CAP2: variants seen among roughly 807,000 people sequenced by gnomAD.
CAP2 encodes adenylyl cyclase-associated protein 2.
A neutral mutation model predicts 57.7 loss-of-function variants in CAP2; 24 were observed. That is an observed-to-expected ratio of 0.42 (90% confidence interval 0.30 to 0.58). The LOEUF (loss-of-function observed/expected upper bound fraction) is 0.58. Among genes scored for constraint, CAP2 ranks in the 20% least tolerant of loss-of-function variants. CAP2 has a pLI of 0.22. For missense variants in CAP2, 501 were observed against 590.3 expected, an observed-to-expected ratio of 0.85 and a Z score of 1.57; for synonymous variants, 194 against 207.2, an observed-to-expected ratio of 0.94 and a Z score of 0.55.
At chr6:17,531,213 C>T (rs555457942) in intron 7 of CAP2, 42 of 770,902 alleles carry the variant, frequency 5.4e-5, no homozygotes, top group Non-Finnish European at 8.9e-5. Context: ...AATTGGGTAC[C>T]CCCATGCAGT....
intron 2 of CAP2, among the ~76,000 whole-genome samples, chr6:17,425,589 C>T (rs958883135): frequency 2.6e-5 from 4 of 152,090 alleles, no homozygotes; most frequent in Admixed American, 6.5e-5. Flanking sequence ...TTGGATGACT[C>T]GGCTGGGTTC....
At chr6:17,517,520 T>A (rs1175925097) in intron 7 of CAP2, among the ~76,000 whole-genome samples, 3 of 152,258 alleles carry the variant, frequency 2.0e-5, no homozygotes, top group Non-Finnish European at 4.4e-5. Context: ...ATATTTTATT[T>A]TTTATTTCAT....
rs55662495 is a variant in CAP2 at position 17,440,614 on chromosome 6, G to GGT, written c.222+13954_222+13955dup. ...TTTGGGCTGAAAACAAACTGTGTGTGGTGTGTGTGTGTGTGTGTGTGTGTG... is the reference window on the plus strand; with the variant it reads ...TTTGGGCTGAAAACAAACTGTGTGTGGTGTGTGTGTGTGTGTGTGTGTGTGTG... On this transcript the variant is annotated intron_variant, in intron 3 of 12. Coordinates refer to ENST00000229922, the MANE Select transcript of CAP2 (RefSeq NM_006366.3). Among the ~76,000 whole-genome samples, 967 of 141,632 alleles carry GGT rather than the reference G, an allele frequency of 6.8e-3. 12 individuals are homozygous for GGT. Among genetic ancestry groups the GGT allele is most frequent in the Middle Eastern group, 7.1e-3 (2 of 282 alleles). 92.9% of individuals were successfully genotyped at this position (141,632 alleles called of 152,430 possible).
chr6:17,532,739 C>CT (rs1243125296), intron 7 of CAP2, among the ~76,000 whole-genome samples: 1 of 112,778 alleles, frequency 8.9e-6, no homozygotes, highest in African/African-American at 3.9e-5. Context: ...CTGAGCGATA[C>CT]TAAAAAAAAA....
At chr6:17,404,770 CAAA>C (rs554588058) in intron 1 of CAP2, among the ~76,000 whole-genome samples, 2 of 57,186 alleles carry the variant, frequency 3.5e-5, no homozygotes, top group Non-Finnish European at 7.5e-5. Flanking sequence ...GACTCCATCT[CAAA>C]AAAAAAAAAA....
rs781721921 is a variant in CAP2 at position 17,543,121 on chromosome 6, A to G, written c.1187A>G (p.Asn396Ser). 2.5e-6 allele frequency: 4 copies of G among 1,613,834 alleles called. No homozygotes were observed. The South Asian group carries it at 3.3e-5, about 13-fold the overall frequency. Reference protein sequence around the residue: ...DNVVGIVEVINSQDIQIQVMG... With the variant: ...DNVVGIVEVISSQDIQIQVMG... ...GTGGTGGGCATTGTGGAAGTGATCA[A>G]CTCCCAGGACATTCAAATCCAGGTA... Residue 396 changes from asparagine (N) to serine (S), a missense_variant, in exon 11 of 13, where the codon AAC (asparagine) becomes AGC (serine). Physicochemically the swap from Asn to Ser is conservative, Grantham distance 46. Coordinates refer to ENST00000229922, the MANE Select transcript of CAP2 (RefSeq NM_006366.3).
At chr6:17,443,158 G>A (rs1415799331) in intron 3 of CAP2, among the ~76,000 whole-genome samples, 3 of 152,118 alleles carry the variant, frequency 2.0e-5, no homozygotes, top group South Asian at 2.1e-4. Flanking sequence ...AGACTGAAGC[G>A]GGAGGATCAT....
intron 4 of CAP2, among the ~76,000 whole-genome samples, chr6:17,486,078 C>T (rs1052130487): frequency 1.3e-5 from 2 of 152,224 alleles, no homozygotes; most frequent in Non-Finnish European, 2.9e-5. Context: ...GGCATGGTGG[C>T]ATGCACCTGT....
intron 4 of CAP2, among the ~76,000 whole-genome samples, chr6:17,503,638 A>G (rs544996876): frequency 1.3e-5 from 2 of 150,460 alleles, no homozygotes; most frequent in East Asian, 2.0e-4. Flanking sequence ...CACCAGTCAT[A>G]TTGGATTGAA....
At chr6:17,467,960 C>G (rs1360383736) in intron 4 of CAP2, among the ~76,000 whole-genome samples, 1 of 152,066 alleles carries the variant, frequency 6.6e-6, no homozygotes, top group Non-Finnish European at 1.5e-5. Flanking sequence ...CGCCTCAGCT[C>G]CCCCACTACC....
chr6:17,408,843 G>A (rs1282702445), intron 1 of CAP2, among the ~76,000 whole-genome samples: 1 of 150,678 alleles, frequency 6.6e-6, no homozygotes, highest in Non-Finnish European at 1.5e-5. Flanking sequence ...CTAATTTTTT[G>A]TATTTTTAAT....
At chr6:17,554,902 A>T (rs138353415) in intron 12 of CAP2, among the ~76,000 whole-genome samples, 76 of 152,258 alleles carry the variant, frequency 5.0e-4, no homozygotes, top group African/African-American at 1.7e-3. Flanking sequence ...GACTACTTTT[A>T]TTTTGACTAT....
intron 7 of CAP2, among the ~76,000 whole-genome samples, chr6:17,527,976 CA>C (rs1030566087): frequency 2.0e-5 from 3 of 152,162 alleles, no homozygotes; most frequent in Admixed American, 6.5e-5. Flanking sequence ...TTACTTTGAG[CA>C]TGTAGAAAAG....
At chr6:17,516,217 A>G (rs2113670083) in intron 7 of CAP2, among the ~76,000 whole-genome samples, 2 of 152,230 alleles carry the variant, frequency 1.3e-5, no homozygotes, top group South Asian at 4.1e-4. Context: ...TATCCTTAGC[A>G]TGTGGAATGG....
intron 4 of CAP2, among the ~76,000 whole-genome samples, chr6:17,503,961 C>A (rs1478498545): frequency 6.6e-6 from 1 of 152,182 alleles, no homozygotes; most frequent in Admixed American, 6.5e-5. Flanking sequence ...TTTTGTTTTT[C>A]CCCTCCTTCA....
At chr6:17,536,283 G>C (rs2113694326) in intron 7 of CAP2, 2 of 456,754 alleles carry the variant, frequency 4.4e-6, no homozygotes, top group South Asian at 1.5e-5. Context: ...GCAAGGGGCA[G>C]CTCACGGAGA....
Position 17,439,118 on chromosome 6 carries a change from TAAAGAGAGAGAGAAA to T in CAP2, c.222+12447_222+12461del, listed in dbSNP as rs756195051. Reference sequence around the variant, plus strand: ...AGAGCGAGACTCTGTCTTAAAAAAATAAAGAGAGAGAGAAAAAAGAGAGAGAGAAAAAAAAGGCTT... The same window carrying T: ...AGAGCGAGACTCTGTCTTAAAAAAATAAAGAGAGAGAGAAAAAAAAGGCTT... On this transcript the variant is annotated intron_variant, in intron 3 of 12. Coordinates refer to ENST00000229922, the MANE Select transcript of CAP2 (RefSeq NM_006366.3). 2.0e-3 allele frequency among the ~76,000 whole-genome samples: 299 copies of T among 150,126 alleles called. 4 individuals are homozygous for T. The highest frequency in any genetic ancestry group is 0.01 in the Middle Eastern group (3 of 294).
chr6:17,494,690 T>C (rs1045439820), intron 4 of CAP2, among the ~76,000 whole-genome samples: 1 of 152,158 alleles, frequency 6.6e-6, no homozygotes, highest in Non-Finnish European at 1.5e-5. Context: ...CCTGTGATGG[T>C]TAATTTTATG....
At chr6:17,487,714 ACCCAC>A (rs1761452888) in intron 4 of CAP2, among the ~76,000 whole-genome samples, 1 of 152,002 alleles carries the variant, frequency 6.6e-6, no homozygotes, top group South Asian at 2.1e-4. Flanking sequence ...CAGGTGATCC[ACCCAC>A]CTTGGCCTCC....
Sources: gnomAD v4.1 joint callset for allele counts (sites outside exome capture counted in the v4.1 genomes callset) on GRCh38, gnomAD v4.1.1 for gene constraint, MANE v1.5 for transcripts, NCBI Gene and HGNC (gene_info 2026-07-23, HGNC 2026-07-21) for gene names.